OPA1: variants seen among roughly 807,000 people sequenced by gnomAD.
OPA1 encodes dynamin-like GTPase OPA1, mitochondrial.
OPA1 carries 59 observed loss-of-function variants against 152.9 expected under a neutral mutation model. The ratio of observed to expected loss-of-function variants is 0.39; its 90% CI spans 0.31 to 0.48. The LOEUF is 0.48. Ranked by LOEUF, OPA1 falls within the 20% of genes least tolerant of loss-of-function variation. The probability of loss-of-function intolerance (pLI) is 0.96; values close to 1 mark genes in which losing one functional copy is unlikely to be tolerated. For synonymous variants in OPA1, 400 were observed against 389.9 expected (o/e 1.03, Z -0.31); for missense variants, 1,008 against 1,216.8 (o/e 0.83, Z 2.55).
rs1485022482 is a variant in OPA1, at chr3:193,607,506, A to G, written c.33-7217A>G. On this transcript the variant is annotated intron_variant, in intron 1 of 30. Transcript: ENST00000361510. ...ATGGCTAGCCAGTTTTCCCAGCACC[A>G]TTTATTAAATAGGGAATCGTTTCCC... 7.9e-5 allele frequency among the ~76,000 whole-genome samples: 12 copies of G among 152,324 alleles called. No individual in the cohort carries two copies. The South Asian group carries it at 1.9e-3, about 24-fold the overall frequency.
At chr3:193,608,408 G>A (rs1044441933) in intron 1 of OPA1, among the ~76,000 whole-genome samples, 1 of 152,104 alleles carries the variant, frequency 6.6e-6, no homozygotes, top group Non-Finnish European at 1.5e-5. Context: ...TTGTGTCTTT[G>A]TTCTCATTGG....
intron 25 of OPA1, among the ~76,000 whole-genome samples, chr3:193,660,647 A>G (rs1171494008): frequency 6.6e-6 from 1 of 152,026 alleles, no homozygotes; most frequent in Non-Finnish European, 1.5e-5. Flanking sequence ...GTGAGTCTCA[A>G]CTTTCCTCAA....
At chr3:193,666,445 T>C (rs1368195577) in intron 28 of OPA1, 56 bp downstream of exon 28, 8 of 1,338,638 alleles carry the variant, frequency 6.0e-6, no homozygotes, top group Non-Finnish European at 8.6e-6. Flanking sequence ...ATAGTGGTAA[T>C]ATCCATATTT....
At chr3:193,630,262 G>A (rs1731870226) in intron 7 of OPA1, among the ~76,000 whole-genome samples, 3 of 121,898 alleles carry the variant, frequency 2.5e-5, no homozygotes, top group African/African-American at 8.9e-5. Context: ...GCAGATCTGT[G>A]CTTGCTGTAC....
chr3:193,603,797 C>T (rs1726816022), intron 1 of OPA1, among the ~76,000 whole-genome samples: 1 of 151,952 alleles, frequency 6.6e-6, no homozygotes, highest in Admixed American at 6.6e-5. Flanking sequence ...GGCATAGGAC[C>T]CATCAACAAA....
At chr3:193,668,686 C>T in intron 29 of OPA1, 9 of 1,406,366 alleles carry the variant, frequency 6.4e-6, no homozygotes, top group Non-Finnish European at 8.5e-6. Context: ...CATGTGAACC[C>T]ATTGTAACCC....
chr3:193,688,988 A>G (rs1204750150), intron 29 of OPA1: 1 of 152,166 alleles, frequency 6.6e-6, no homozygotes, highest in Non-Finnish European at 1.5e-5. Flanking sequence ...CGTCAGACAA[A>G]CAAACATCGT....
At chr3:193,625,172 A>C (rs542519470) in intron 6 of OPA1, among the ~76,000 whole-genome samples, 10 of 152,264 alleles carry the variant, frequency 6.6e-5, no homozygotes, top group Middle Eastern at 3.4e-3. Context: ...GCAGGAAATG[A>C]CATCATGCCA....
At chr3:193,607,673 T>C (rs1348277319) in intron 1 of OPA1, among the ~76,000 whole-genome samples, 2 of 152,196 alleles carry the variant, frequency 1.3e-5, no homozygotes, top group Non-Finnish European at 2.9e-5. Flanking sequence ...TGTAGCCTTG[T>C]ATAGTTTGAA....
intron 28 of OPA1, 32 bp downstream of exon 28, chr3:193,666,421 G>C: frequency 6.8e-7 from 1 of 1,478,196 alleles, no homozygotes; most frequent in South Asian, 1.1e-5. Context: ...GTCTTATTTT[G>C]ACATTAAAAA....
intron 26 of OPA1, among the ~76,000 whole-genome samples, chr3:193,663,562 A>G (rs576302298): frequency 4.6e-5 from 7 of 152,264 alleles, no homozygotes; most frequent in Non-Finnish European, 7.4e-5. Flanking sequence ...TTTAAAAACT[A>G]CATTCTCTAC....
At chr3:193,659,698 T>C (rs528685106) in intron 25 of OPA1, 137 bp downstream of exon 25, 2 of 686,850 alleles carry the variant, frequency 2.9e-6, no homozygotes, top group South Asian at 2.0e-5. Flanking sequence ...TTCTAAAATA[T>C]AATGAATCTT....
intron 21 of OPA1, among the ~76,000 whole-genome samples, chr3:193,650,609 G>A (rs909078396): frequency 6.6e-6 from 1 of 152,156 alleles, no homozygotes. Flanking sequence ...TCTGGAAAGT[G>A]TTAAAAGCAT....
intron 7 of OPA1, among the ~76,000 whole-genome samples, chr3:193,630,325 C>G (rs187847637): frequency 6.6e-6 from 1 of 151,964 alleles, no homozygotes; most frequent in East Asian, 1.9e-4. Context: ...ATTACCAGAT[C>G]GTTTTTGGAG....
chr3:193,669,671 A>G (rs1717488687), intron 29 of OPA1, among the ~76,000 whole-genome samples: 2 of 152,252 alleles, frequency 1.3e-5, no homozygotes, highest in African/African-American at 2.4e-5. Context: ...CCCTCGTGAT[A>G]TAATTATCAA....
chr3:193,602,324 G>T (rs1017544691), intron 1 of OPA1, among the ~76,000 whole-genome samples: 2 of 152,190 alleles, frequency 1.3e-5, no homozygotes, highest in Admixed American at 1.3e-4. Flanking sequence ...CCCATCCAAC[G>T]AGGTTCAAGA....
intron 1 of OPA1, among the ~76,000 whole-genome samples, chr3:193,598,394 CAG>C (rs1487126231): frequency 1.3e-5 from 2 of 152,084 alleles, no homozygotes; most frequent in African/African-American, 4.8e-5. Context: ...GCTCTTCTAG[CAG>C]AGAGTGGAAG....
chr3:193,622,961 C>T (rs566290712), intron 6 of OPA1, among the ~76,000 whole-genome samples: 2 of 152,294 alleles, frequency 1.3e-5, no homozygotes, highest in South Asian at 4.1e-4. Context: ...TTGAGGAGAA[C>T]AAGGCTGTAA....
At chr3:193,667,780 T>C (rs975733347) in intron 29 of OPA1, among the ~76,000 whole-genome samples, 2 of 152,144 alleles carry the variant, frequency 1.3e-5, no homozygotes, top group Non-Finnish European at 2.9e-5. Context: ...TCATGTATAG[T>C]TCTTAGAAAC....
Sources: allele counts gnomAD v4.1 joint callset (sites outside exome capture counted in the v4.1 genomes callset), GRCh38; gene constraint gnomAD v4.1.1; transcripts MANE v1.5; gene names NCBI Gene and HGNC (gene_info 2026-07-23, HGNC 2026-07-21).